The following SIL1 variants were observed in gnomAD, a reference collection of about 807,000 sequenced individuals.
SIL1 encodes the protein nucleotide exchange factor SIL1.
Under a neutral mutation model 49.1 loss-of-function variants are expected in SIL1, and 40 were observed. That is an observed-to-expected ratio of 0.81 (90% CI 0.63 to 1.06). SIL1 has a LOEUF of 1.06. SIL1 is among the 50% of genes least tolerant of loss of function. The pLI is 0.00. For missense variants in SIL1, 500 were observed against 572.6 expected, an observed-to-expected ratio of 0.87 and a Z score of 1.29; for synonymous variants, 253 against 250.8, an observed-to-expected ratio of 1.01 and a Z score of -0.08.
intron 1 of SIL1, among the ~76,000 whole-genome samples, chr5:139,175,512 G>A (rs1207606297): frequency 6.6e-6 from 1 of 152,160 alleles, no homozygotes; most frequent in South Asian, 2.1e-4. Context: ...TCCCAACAAA[G>A]CAAAGCCCTA....
intron 7 of SIL1, among the ~76,000 whole-genome samples, chr5:138,959,275 T>C (rs533082160): frequency 4.6e-5 from 7 of 152,222 alleles, no homozygotes; most frequent in African/African-American, 1.7e-4. Flanking sequence ...AAATGCCACA[T>C]GTGATTCCTA....
chr5:139,148,737 A>T (rs1268487048), intron 1 of SIL1, among the ~76,000 whole-genome samples: 1 of 152,198 alleles, frequency 6.6e-6, no homozygotes, highest in Middle Eastern at 3.2e-3. Context: ...CTCTTACAAC[A>T]AGGGCCCCAG....
intron 7 of SIL1, among the ~76,000 whole-genome samples, chr5:138,982,520 T>G (rs563326682): frequency 9.9e-5 from 15 of 152,224 alleles, no homozygotes; most frequent in Non-Finnish European, 2.1e-4. Flanking sequence ...TGATACAACA[T>G]TTTTCTTCCA....
chr5:139,125,859 G>A (rs772656559), intron 2 of SIL1, among the ~76,000 whole-genome samples: 2 of 152,082 alleles, frequency 1.3e-5, no homozygotes, highest in Non-Finnish European at 2.9e-5. Flanking sequence ...GCATCTACAC[G>A]CCTCCTGAGA....
chr5:138,965,108 G>A (rs1321700423), intron 7 of SIL1, among the ~76,000 whole-genome samples: 1 of 152,232 alleles, frequency 6.6e-6, no homozygotes, highest in East Asian at 1.9e-4. Context: ...CCTCTTGCCT[G>A]GGGAGGTGGG....
At chr5:139,136,238 C>T (rs907415603) in intron 1 of SIL1, among the ~76,000 whole-genome samples, 3 of 152,170 alleles carry the variant, frequency 2.0e-5, no homozygotes, top group African/African-American at 7.2e-5. Context: ...GAAGACATGG[C>T]AGGCACTCAA....
rs373301492 is a variant in SIL1, at chr5:139,121,219, A to C, written c.106-46T>G. ...GCATGACCCACTGCAACTAGGCGCC[A>C]GGTAAGCAGAAAAAAAATGGCCTAG... On this transcript the variant is annotated intron_variant, in intron 2 of 9. Coordinates refer to ENST00000394817, the MANE Select transcript of SIL1 (RefSeq NM_022464.5). The C allele has an allele frequency of 9.7e-5, 156 of 1,613,284 alleles. No individual in the cohort carries two copies. In the Middle Eastern group the frequency reaches 1.3e-3, roughly 14 times the overall value.
At chr5:139,019,766 C>T (rs956497024) in intron 7 of SIL1, among the ~76,000 whole-genome samples, 2 of 152,002 alleles carry the variant, frequency 1.3e-5, no homozygotes, top group South Asian at 2.1e-4. Context: ...CGGCAAGGGA[C>T]GTATAGGATA....
At chr5:139,077,475 T>C (rs906394965) in intron 3 of SIL1, among the ~76,000 whole-genome samples, 1 of 152,196 alleles carries the variant, frequency 6.6e-6, no homozygotes, top group Non-Finnish European at 1.5e-5. Context: ...CAAAACTCCA[T>C]CTCCCTAAAC....
intron 3 of SIL1, among the ~76,000 whole-genome samples, chr5:139,094,920 G>C (rs1453618385): frequency 6.6e-6 from 1 of 152,182 alleles, no homozygotes; most frequent in Admixed American, 6.5e-5. Flanking sequence ...GTACTGGTCA[G>C]GTATTTTACA....
intron 1 of SIL1, among the ~76,000 whole-genome samples, chr5:139,146,642 C>G (rs1295382133): frequency 6.6e-6 from 1 of 152,086 alleles, no homozygotes; most frequent in Non-Finnish European, 1.5e-5. Context: ...GGTAGATATT[C>G]TTTGTCAAGG....
intron 1 of SIL1, among the ~76,000 whole-genome samples, chr5:139,162,924 C>A (rs965198052): frequency 1.3e-5 from 2 of 151,876 alleles, no homozygotes; most frequent in African/African-American, 2.4e-5. Context: ...AAAGGAAGAG[C>A]CTTTCTTGTA....
At chr5:139,102,513 A>G (rs1770614384) in intron 3 of SIL1, among the ~76,000 whole-genome samples, 1 of 151,074 alleles carries the variant, frequency 6.6e-6, no homozygotes, top group Non-Finnish European at 1.5e-5. Flanking sequence ...AGAGAGAGAG[A>G]GAGAGAAAGT....
At chr5:139,168,317 A>G (rs1305604465) in intron 1 of SIL1, among the ~76,000 whole-genome samples, 1 of 152,226 alleles carries the variant, frequency 6.6e-6, no homozygotes, top group Admixed American at 6.5e-5. Flanking sequence ...CTTCCAGGGA[A>G]AGGCCTTGAT....
At chr5:139,136,890 AC>A (rs1750985374) in intron 1 of SIL1, among the ~76,000 whole-genome samples, 2 of 152,174 alleles carry the variant, frequency 1.3e-5, no homozygotes, top group Non-Finnish European at 2.9e-5. Flanking sequence ...ATGAAGAGCT[AC>A]CCCACAACAC....
chr5:139,120,909 G>T, intron 3 of SIL1, 126 bp downstream of exon 3: 1 of 1,199,994 alleles, frequency 8.3e-7, no homozygotes, highest in Non-Finnish European at 1.2e-6. Flanking sequence ...CCACTCTGAC[G>T]GACCATGCTG....
intron 7 of SIL1, among the ~76,000 whole-genome samples, chr5:138,998,754 C>G (rs1385335761): frequency 2.0e-5 from 3 of 151,962 alleles, no homozygotes; most frequent in Non-Finnish European, 2.9e-5. Context: ...CCCTGTGATC[C>G]AATTACTCTC....
At chr5:139,010,747 T>G (rs1768237922) in intron 7 of SIL1, among the ~76,000 whole-genome samples, 1 of 150,044 alleles carries the variant, frequency 6.7e-6, no homozygotes, top group Admixed American at 6.7e-5. Flanking sequence ...GTGCCCCTGC[T>G]GGGGGGTGCC....
At chr5:138,966,838 A>G (rs1207791046) in intron 7 of SIL1, among the ~76,000 whole-genome samples, 5 of 152,218 alleles carry the variant, frequency 3.3e-5, no homozygotes, top group Non-Finnish European at 7.3e-5. Context: ...AATAAGTAGC[A>G]GAGTCATGAA....
Sources: gnomAD v4.1 joint callset for allele counts (sites outside exome capture counted in the v4.1 genomes callset) on GRCh38, gnomAD v4.1.1 for gene constraint, MANE v1.5 for transcripts, NCBI Gene and HGNC (gene_info 2026-07-23, HGNC 2026-07-21) for gene names.